Variants in PRELID2 observed in about 807,000 individuals in gnomAD.
PRELID2 encodes PRELI domain containing 2.
In PRELID2, 25 loss-of-function variants were observed where a neutral mutation model predicts 28.4. The ratio of observed to expected loss-of-function variants is 0.88; its 90% CI spans 0.64 to 1.23. The LOEUF (loss-of-function observed/expected upper bound fraction) is 1.23, where lower values mean the gene tolerates loss of function less well. Among genes scored for constraint, PRELID2 ranks in the 50% most tolerant of loss-of-function variants. PRELID2 has a pLI of 0.00. For missense variants in PRELID2, 201 were observed against 214.4 expected (o/e 0.94, Z 0.39); for synonymous variants, 76 against 71.6 (o/e 1.06, Z -0.31).
chr5:145,303,743 G>C, the PRELID2 span, among the ~76,000 whole-genome samples: 2 of 152,154 alleles, frequency 1.3e-5, no homozygotes, highest in Non-Finnish European at 2.9e-5. Flanking sequence ...AAGTATAACA[G>C]CACCAAGTTG....
chr5:145,573,108 C>G (rs538699953), intron 1 of PRELID2, among the ~76,000 whole-genome samples: 6 of 152,134 alleles, frequency 3.9e-5, no homozygotes, highest in Non-Finnish European at 8.8e-5. Flanking sequence ...TTCACATATT[C>G]TTTCATACCA....
the PRELID2 span, among the ~76,000 whole-genome samples, chr5:145,286,720 GTTTGTT>G: frequency 1.7e-5 from 2 of 117,886 alleles, no homozygotes; most frequent in African/African-American, 7.5e-5. Context: ...TTGTTTGTTT[GTTTGTT>G]TTTTTTTTTT....
At chr5:145,613,692 T>G (rs926916167) in intron 1 of PRELID2, among the ~76,000 whole-genome samples, 2 of 152,056 alleles carry the variant, frequency 1.3e-5, no homozygotes, top group African/African-American at 4.8e-5. Context: ...TTCTTACTGA[T>G]TTGTTTGAGT....
chr5:145,324,688 A>C, the PRELID2 span, among the ~76,000 whole-genome samples: 2 of 152,204 alleles, frequency 1.3e-5, no homozygotes, highest in African/African-American at 4.8e-5. Context: ...TGGAGATCTT[A>C]CCACATATAA....
chr5:145,499,602 A>G (rs550590299), intron 1 of PRELID2, among the ~76,000 whole-genome samples: 5 of 152,304 alleles, frequency 3.3e-5, no homozygotes, highest in South Asian at 2.1e-4. Context: ...GAGAGGTTTC[A>G]TTAGCATTTC....
In PRELID2 at chr5:145,474,935, C is replaced by T. The variant is rs1427264895; in HGVS notation, n.71-1620G>A. On this transcript the variant is annotated intron_variant and non_coding_transcript_variant, in intron 1 of 2. Coordinates refer to the PRELID2 transcript ENST00000510259. ...ATTTAGTGTATAAAAGGAGATATCACCATGCATATTAAATGAACTATTTAC... is the reference window on the plus strand; with the variant it reads ...ATTTAGTGTATAAAAGGAGATATCATCATGCATATTAAATGAACTATTTAC... 2.0e-5 allele frequency among the ~76,000 whole-genome samples: 3 copies of T among 151,360 alleles called. No homozygotes were observed. The East Asian group carries it at 5.8e-4, about 29-fold the overall frequency.
At chr5:145,371,616 C>A in the PRELID2 span, among the ~76,000 whole-genome samples, 1 of 152,048 alleles carries the variant, frequency 6.6e-6, no homozygotes, top group Non-Finnish European at 1.5e-5. Context: ...CAGGATGACG[C>A]TGGCTTCATA....
At chr5:145,810,761 G>A (rs1244095398) in intron 4 of PRELID2, among the ~76,000 whole-genome samples, 4 of 152,016 alleles carry the variant, frequency 2.6e-5, no homozygotes, top group South Asian at 2.1e-4. Flanking sequence ...CTCTATGTAC[G>A]ACTTCATTTA....
rs182601314 is a variant in PRELID2, at chr5:145,512,769, C to T, written n.71-39454G>A. ...GCATCTGGTGGGTGCCCCTCTGGGA[C>T]GAAGCTTCCAAAGGAAGGAACAGGA... On this transcript the variant is annotated intron_variant and non_coding_transcript_variant, in intron 1 of 2. Coordinates refer to the PRELID2 transcript ENST00000510259. Among the ~76,000 whole-genome samples the T allele has an allele frequency of 8.5e-4, 129 of 152,234 alleles. No homozygotes were observed. In the Middle Eastern group the frequency reaches 0.01, roughly 12 times the overall value.
the PRELID2 span, among the ~76,000 whole-genome samples, chr5:145,456,104 C>G: frequency 3.3e-5 from 5 of 152,202 alleles, no homozygotes; most frequent in Non-Finnish European, 5.9e-5. Context: ...ACGAATGCTA[C>G]TAAAGGTGAC....
intron 1 of PRELID2, among the ~76,000 whole-genome samples, chr5:145,680,142 G>A (rs141673929): frequency 1.8e-3 from 270 of 152,174 alleles, no homozygotes; most frequent in African/African-American, 6.3e-3. Context: ...ATATAGAATC[G>A]AGGGCACTAC....
At chr5:145,298,716 T>A in the PRELID2 span, among the ~76,000 whole-genome samples, 1 of 152,104 alleles carries the variant, frequency 6.6e-6, no homozygotes, top group East Asian at 1.9e-4. Flanking sequence ...TCCAGAACTG[T>A]GAGCCAATAA....
intron 1 of PRELID2, among the ~76,000 whole-genome samples, chr5:145,651,226 G>T (rs1296784892): frequency 6.6e-6 from 1 of 152,188 alleles, no homozygotes; most frequent in Admixed American, 6.5e-5. Flanking sequence ...GCCTGCCATT[G>T]CTGAGGCTTG....
chr5:145,740,114 G>T (rs902136539), intron 1 of PRELID2, among the ~76,000 whole-genome samples: 1 of 149,692 alleles, frequency 6.7e-6, no homozygotes, highest in Non-Finnish European at 1.5e-5. Context: ...AATCACACAG[G>T]CAGGTTGAAA....
chr5:145,297,462 G>A, the PRELID2 span, among the ~76,000 whole-genome samples: 14 of 151,856 alleles, frequency 9.2e-5, no homozygotes, highest in South Asian at 1.0e-3. Flanking sequence ...TTGATGGGAC[G>A]TATCTCAAAA....
At chr5:145,363,648 T>C in the PRELID2 span, among the ~76,000 whole-genome samples, 1 of 152,092 alleles carries the variant, frequency 6.6e-6, no homozygotes, top group East Asian at 1.9e-4. Flanking sequence ...TAAGAAATTG[T>C]ATCTTTATAC....
chr5:145,243,941 T>A, the PRELID2 span, among the ~76,000 whole-genome samples: 1 of 152,154 alleles, frequency 6.6e-6, no homozygotes, highest in African/African-American at 2.4e-5. Flanking sequence ...TTCTTGTTTG[T>A]TTGTTTATTT....
intron 1 of PRELID2, among the ~76,000 whole-genome samples, chr5:145,585,578 G>A (rs1045035837): frequency 3.0e-4 from 46 of 151,976 alleles, no homozygotes; most frequent in African/African-American, 9.9e-4. Context: ...TATAATAATC[G>A]TCCATACCTC....
chr5:145,375,248 G>A, the PRELID2 span, among the ~76,000 whole-genome samples: 4 of 152,036 alleles, frequency 2.6e-5, no homozygotes, highest in Non-Finnish European at 5.9e-5. Flanking sequence ...GGCTGCTGTG[G>A]TTTGCTGGCG....
Sources: allele counts gnomAD v4.1 joint callset (sites outside exome capture counted in the v4.1 genomes callset), GRCh38; gene constraint gnomAD v4.1.1; transcripts MANE v1.5; gene names NCBI Gene and HGNC (gene_info 2026-07-23, HGNC 2026-07-21).